AGBL4: variants seen among roughly 807,000 people sequenced by gnomAD.
The protein encoded by AGBL4 is cytosolic carboxypeptidase 6.
A neutral mutation model predicts 66.4 loss-of-function variants in AGBL4; 58 were observed. The observed-to-expected ratio is 0.87, with a 90% CI of 0.71 to 1.09. AGBL4 has a LOEUF of 1.09. Among genes scored for constraint, AGBL4 ranks in the 50% least tolerant of loss-of-function variants. AGBL4 has a pLI of 0.00. For synonymous variants in AGBL4, 234 were observed against 222.9 expected, an observed-to-expected ratio of 1.05 and a Z score of -0.44; for missense variants, 579 against 631.0, an observed-to-expected ratio of 0.92 and a Z score of 0.88.
intron 2 of AGBL4, among the ~76,000 whole-genome samples, chr1:49,704,876 T>A (rs1647176066): frequency 6.6e-6 from 1 of 152,292 alleles, no homozygotes; most frequent in East Asian, 1.9e-4. Flanking sequence ...GCCTCCAGCT[T>A]TGTTCTTTTG....
intron 3 of AGBL4, among the ~76,000 whole-genome samples, chr1:49,613,404 C>T (rs932996397): frequency 6.6e-5 from 10 of 152,270 alleles, no homozygotes; most frequent in African/African-American, 1.4e-4. Flanking sequence ...GGCCATGGAC[C>T]GGTACCAGGC....
At position 49,362,189 on chromosome 1, in the gene AGBL4, T is replaced by A. The variant is rs572763861; in HGVS notation, c.283-116325A>T. ...GATTTCTATGTAGGAAGTGCTCATATAGCAACCCTCTTATGTGACCCAGAT... is the reference window on the plus strand; with the variant it reads ...GATTTCTATGTAGGAAGTGCTCATAAAGCAACCCTCTTATGTGACCCAGAT... On this transcript the variant is annotated intron_variant, in intron 3 of 13. Transcript: ENST00000371839. Among the ~76,000 whole-genome samples, 5 of 152,282 alleles carry A rather than the reference T, an allele frequency of 3.3e-5. No individual in the cohort carries two copies. In the South Asian group the frequency reaches 1.0e-3, roughly 32 times the overall value.
intron 4 of AGBL4, among the ~76,000 whole-genome samples, chr1:49,176,958 T>G (rs1646843719): frequency 6.6e-6 from 1 of 152,116 alleles, no homozygotes; most frequent in Non-Finnish European, 1.5e-5. Context: ...AAGAAAAGGC[T>G]AGTCAGGAAA....
intron 2 of AGBL4, among the ~76,000 whole-genome samples, chr1:49,815,041 GT>G (rs1158666286): frequency 6.6e-6 from 1 of 152,054 alleles, no homozygotes; most frequent in Non-Finnish European, 1.5e-5. Context: ...TACTCTTTTA[GT>G]TATTTTAAAA....
rs142514088 is a variant in AGBL4, at chr1:49,912,910, C to G, written c.35-61392G>C. On this transcript the variant is annotated intron_variant, in intron 1 of 13. Transcript: ENST00000371839. Reference sequence around the variant, plus strand: ...CAATAACTAATTCACTCCACAATAACAGCATTAAATGATTCATGAGGACAG... The same window carrying G: ...CAATAACTAATTCACTCCACAATAAGAGCATTAAATGATTCATGAGGACAG... Among the ~76,000 whole-genome samples, 98 of 152,234 alleles carry G rather than the reference C, an allele frequency of 6.4e-4. No homozygotes were observed. In the Middle Eastern group the frequency reaches 0.01, roughly 16 times the overall value.
At chr1:48,815,556 G>A (rs1646153312) in intron 6 of AGBL4, among the ~76,000 whole-genome samples, 1 of 152,062 alleles carries the variant, frequency 6.6e-6, no homozygotes, top group African/African-American at 2.4e-5. Flanking sequence ...AAAAAAAATA[G>A]GTGTCATAAT....
At chr1:49,368,345 T>C (rs546449692) in intron 3 of AGBL4, among the ~76,000 whole-genome samples, 2 of 152,322 alleles carry the variant, frequency 1.3e-5, no homozygotes, top group African/African-American at 4.8e-5. Flanking sequence ...CTGTTTTCTA[T>C]AGAAAACACT....
At chr1:49,580,537 T>C (rs376554926) in intron 3 of AGBL4, among the ~76,000 whole-genome samples, 20 of 152,354 alleles carry the variant, frequency 1.3e-4, no homozygotes, top group African/African-American at 4.3e-4. Context: ...CTATTGTCCC[T>C]TCCATGTTTA....
intron 1 of AGBL4, among the ~76,000 whole-genome samples, chr1:49,899,577 T>C (rs900825913): frequency 1.3e-5 from 2 of 152,096 alleles, no homozygotes; most frequent in African/African-American, 2.4e-5. Flanking sequence ...TTATTCTACC[T>C]ACATGGACTT....
chr1:48,999,592 G>T (rs1299215277), intron 5 of AGBL4, among the ~76,000 whole-genome samples: 1 of 152,144 alleles, frequency 6.6e-6, no homozygotes, highest in Non-Finnish European at 1.5e-5. Context: ...AGGCTGTGCA[G>T]CACGAGAAAA....
At chr1:49,025,806 G>T (rs538550921) in intron 5 of AGBL4, 4 of 152,072 alleles carry the variant, frequency 2.6e-5, no homozygotes, top group African/African-American at 9.7e-5. Context: ...AAAATAATAA[G>T]TGGGCTGTGG....
At chr1:49,205,302 C>T (rs1407896738) in intron 4 of AGBL4, among the ~76,000 whole-genome samples, 2 of 152,046 alleles carry the variant, frequency 1.3e-5, no homozygotes, top group South Asian at 2.1e-4. Flanking sequence ...AAGGTTGCTC[C>T]TCTTCTTCAT....
chr1:49,911,944 T>A (rs968823940), intron 1 of AGBL4, among the ~76,000 whole-genome samples: 3 of 152,218 alleles, frequency 2.0e-5, no homozygotes, highest in African/African-American at 4.8e-5. Flanking sequence ...CACAGGGACC[T>A]GTATTTTACA....
At position 49,741,873 on chromosome 1, in the gene AGBL4, A is replaced by G. The variant is rs528389323; in HGVS notation, c.158-44436T>C. On this transcript the variant is annotated intron_variant, in intron 2 of 13. Coordinates refer to ENST00000371839, the MANE Select transcript of AGBL4 (RefSeq NM_032785.4). Reference sequence around the variant, plus strand: ...CAACACTTCATGCTAAAAACTCTCAATAAATTAGGTATTGATGGGACGTAT... The same window carrying G: ...CAACACTTCATGCTAAAAACTCTCAGTAAATTAGGTATTGATGGGACGTAT... 1.7e-3 allele frequency among the ~76,000 whole-genome samples: 260 copies of G among 152,238 alleles called. 4 individuals are homozygous for G. In the South Asian group the frequency reaches 0.022, roughly 13 times the overall value.
At chr1:48,701,925 T>C (rs2148506900) in intron 6 of AGBL4, among the ~76,000 whole-genome samples, 1 of 152,358 alleles carries the variant, frequency 6.6e-6, no homozygotes, top group South Asian at 2.1e-4. Flanking sequence ...CATTGAATGT[T>C]ATACTATTGG....
rs528871196 is a variant in AGBL4 at position 49,141,087 on chromosome 1, G to A, written c.378-95287C>T. Among the ~76,000 whole-genome samples, 4 of 152,046 alleles carry A rather than the reference G, an allele frequency of 2.6e-5. No homozygotes were observed. In the East Asian group the frequency reaches 7.7e-4, roughly 29 times the overall value. On this transcript the variant is annotated intron_variant, in intron 4 of 13. Coordinates refer to ENST00000371839, the MANE Select transcript of AGBL4 (RefSeq NM_032785.4). The stretch of plus-strand genomic sequence containing the variant: ...CAGGAATGAGCAGGAACATTAATTG[G>A]TACTAAAAAAAGAAGATATTATTAA...
At chr1:49,330,929 A>C (rs1312781742) in intron 3 of AGBL4, among the ~76,000 whole-genome samples, 1 of 152,284 alleles carries the variant, frequency 6.6e-6, no homozygotes, top group Middle Eastern at 3.4e-3. Flanking sequence ...AGAGGAAAGC[A>C]GGGCAGTGCG....
intron 3 of AGBL4, among the ~76,000 whole-genome samples, chr1:49,312,367 C>T (rs1216654625): frequency 1.3e-5 from 2 of 152,042 alleles, no homozygotes; most frequent in South Asian, 2.1e-4. Context: ...CCTCCCAGCA[C>T]CTTCAACTAT....
chr1:49,509,792 A>T (rs1302780976), intron 3 of AGBL4, among the ~76,000 whole-genome samples: 1 of 151,952 alleles, frequency 6.6e-6, no homozygotes, highest in Non-Finnish European at 1.5e-5. Flanking sequence ...TTCCTCATCC[A>T]TAAAATAGGG....
Sources: gnomAD v4.1 joint callset for allele counts (sites outside exome capture counted in the v4.1 genomes callset) on GRCh38, gnomAD v4.1.1 for gene constraint, MANE v1.5 for transcripts, NCBI Gene and HGNC (gene_info 2026-07-23, HGNC 2026-07-21) for gene names.